Variants in DYNC1I1 observed in about 807,000 individuals in gnomAD.
DYNC1I1 encodes the protein cytoplasmic dynein 1 intermediate chain 1.
Under a neutral mutation model 86.6 loss-of-function variants are expected in DYNC1I1, and 43 were observed. The ratio of observed to expected loss-of-function variants is 0.50; its 90% CI spans 0.39 to 0.64. DYNC1I1 has a LOEUF of 0.64. Ranked by LOEUF, DYNC1I1 falls within the 30% of genes least tolerant of loss-of-function variation. DYNC1I1 has a pLI of 0.00. For missense variants in DYNC1I1, 604 were observed against 788.8 expected, an observed-to-expected ratio of 0.77 and a Z score of 2.81; for synonymous variants, 262 against 283.7, an observed-to-expected ratio of 0.92 and a Z score of 0.77.
Position 96,072,920 on chromosome 7 carries a change from G to A in DYNC1I1, c.1510-3137G>A, listed in dbSNP as rs529598328. 2.0e-5 allele frequency among the ~76,000 whole-genome samples: 3 copies of A among 152,046 alleles called. No homozygotes were observed. The East Asian group carries it at 5.8e-4, about 29-fold the overall frequency. On this transcript the variant is annotated intron_variant, in intron 14 of 16. Transcript: ENST00000447467. ...TAATCAGGTCTTCAGATTACCCTTTGAGCCTGAATAAAATAGAATAATAAA... is the reference window on the plus strand; with the variant it reads ...TAATCAGGTCTTCAGATTACCCTTTAAGCCTGAATAAAATAGAATAATAAA...
chr7:95,975,235 T>C (rs1049513157), intron 6 of DYNC1I1, among the ~76,000 whole-genome samples: 1 of 152,212 alleles, frequency 6.6e-6, no homozygotes, highest in African/African-American at 2.4e-5. Flanking sequence ...ACTGGCTTTA[T>C]TAGTTTTCAA....
intron 5 of DYNC1I1, among the ~76,000 whole-genome samples, chr7:95,857,316 G>T (rs1247463670): frequency 6.6e-6 from 1 of 152,160 alleles, no homozygotes; most frequent in Non-Finnish European, 1.5e-5. Flanking sequence ...CAAAGAGGTG[G>T]TATTTTGAGG....
chr7:96,064,166 C>G lies in DYNC1I1; in HGVS notation c.1510-11891C>G, dbSNP rs543465448. On this transcript the variant is annotated intron_variant, in intron 14 of 16. Transcript: ENST00000447467. ...TGTTTCTAAGCATCATTGTTCTTCT[C>G]CAGACCAAACATATCAGAATATTTC... Among the ~76,000 whole-genome samples the G allele has an allele frequency of 4.6e-5, 7 of 151,606 alleles. No individual in the cohort carries two copies. In the South Asian group the frequency reaches 1.5e-3, roughly 32 times the overall value.
chr7:95,937,947 T>G (rs996060535), intron 6 of DYNC1I1, among the ~76,000 whole-genome samples: 1 of 152,058 alleles, frequency 6.6e-6, no homozygotes, highest in Non-Finnish European at 1.5e-5. Context: ...ATATATAATA[T>G]ATATACACTC....
intron 6 of DYNC1I1, among the ~76,000 whole-genome samples, chr7:95,872,591 T>A (rs532235654): frequency 6.6e-6 from 1 of 152,296 alleles, no homozygotes; most frequent in Admixed American, 6.5e-5. Context: ...TAAGTATTAA[T>A]TTTTGATCAT....
intron 14 of DYNC1I1, among the ~76,000 whole-genome samples, chr7:96,063,786 T>C (rs1365210118): frequency 6.6e-6 from 1 of 152,212 alleles, no homozygotes; most frequent in African/African-American, 2.4e-5. Context: ...AGGGTGATAA[T>C]TCCACCCATA....
At chr7:96,026,744 A>G (rs1794692342) in intron 10 of DYNC1I1, among the ~76,000 whole-genome samples, 1 of 152,058 alleles carries the variant, frequency 6.6e-6, no homozygotes, top group Non-Finnish European at 1.5e-5. Flanking sequence ...CACTGTTTGA[A>G]TGTTCCATAT....
At chr7:95,924,155 G>T (rs950175567) in intron 6 of DYNC1I1, among the ~76,000 whole-genome samples, 1 of 152,126 alleles carries the variant, frequency 6.6e-6, no homozygotes, top group Non-Finnish European at 1.5e-5. Context: ...TTGCACTGCT[G>T]GGTTTATGAA....
intron 1 of DYNC1I1, chr7:95,804,326 G>C: frequency 7.9e-7 from 1 of 1,263,658 alleles, no homozygotes; most frequent in Non-Finnish European, 1.0e-6. Context: ...TTTTCTCAGT[G>C]TGGGGATGAA....
chr7:96,100,356 T>TTTCCTTCCTTCC (rs372153684), downstream of DYNC1I1, among the ~76,000 whole-genome samples: 5 of 150,834 alleles, frequency 3.3e-5, no homozygotes, highest in Admixed American at 6.6e-5. Context: ...CCTTCCTTCC[T>TTTCCTTCCTTCC]TTCCTTCCTT....
At chr7:95,972,096 AGAGGGTCGCCTT>A (rs1424585277) in intron 6 of DYNC1I1, among the ~76,000 whole-genome samples, 2 of 152,138 alleles carry the variant, frequency 1.3e-5, no homozygotes, top group African/African-American at 4.8e-5. Context: ...CTCTCTTCAC[AGAGGGTCGCCTT>A]GTGTCGTTGA....
At chr7:95,831,360 G>C (rs1464697556) in intron 5 of DYNC1I1, among the ~76,000 whole-genome samples, 1 of 152,030 alleles carries the variant, frequency 6.6e-6, no homozygotes, top group Non-Finnish European at 1.5e-5. Context: ...GAATAATATT[G>C]TGGAGGAGAT....
chr7:95,994,212 T>C (rs1008564296), intron 9 of DYNC1I1, among the ~76,000 whole-genome samples: 1 of 152,144 alleles, frequency 6.6e-6, no homozygotes, highest in Non-Finnish European at 1.5e-5. Flanking sequence ...TTTAAATAAT[T>C]AAAGAAATTT....
chr7:95,843,483 T>G (rs1281649509), intron 5 of DYNC1I1, among the ~76,000 whole-genome samples: 1 of 152,184 alleles, frequency 6.6e-6, no homozygotes, highest in African/African-American at 2.4e-5. Context: ...CCCTCCCTCA[T>G]GTATCACTGT....
intron 5 of DYNC1I1, among the ~76,000 whole-genome samples, chr7:95,847,049 A>G (rs143173765): frequency 6.6e-6 from 1 of 152,244 alleles, no homozygotes; most frequent in African/African-American, 2.4e-5. Context: ...CATTTTGTTA[A>G]CCCCAAAGAA....
intron 4 of DYNC1I1, among the ~76,000 whole-genome samples, chr7:95,814,009 G>T (rs1156422749): frequency 6.6e-6 from 1 of 152,164 alleles, no homozygotes; most frequent in Non-Finnish European, 1.5e-5. Context: ...GAAAGGAGAA[G>T]TTTCATAAAT....
chr7:95,939,579 G>C (rs1294345040), intron 6 of DYNC1I1, among the ~76,000 whole-genome samples: 3 of 150,706 alleles, frequency 2.0e-5, no homozygotes, highest in Non-Finnish European at 4.4e-5. Context: ...TTTGATCTTT[G>C]TTGGTTTAAA....
At chr7:96,084,040 TGAG>T (rs1790601329) in intron 16 of DYNC1I1, among the ~76,000 whole-genome samples, 1 of 152,130 alleles carries the variant, frequency 6.6e-6, no homozygotes, top group Admixed American at 6.5e-5. Flanking sequence ...AGTGTTGATT[TGAG>T]GAGATTTTTT....
At chr7:95,858,186 C>T (rs964644632) in intron 5 of DYNC1I1, among the ~76,000 whole-genome samples, 3 of 152,200 alleles carry the variant, frequency 2.0e-5, no homozygotes, top group Non-Finnish European at 2.9e-5. Context: ...ATAGTCATAA[C>T]TGATTTTCCA....
Sources: gnomAD v4.1 joint callset for allele counts (sites outside exome capture counted in the v4.1 genomes callset) on GRCh38, gnomAD v4.1.1 for gene constraint, MANE v1.5 for transcripts, NCBI Gene and HGNC (gene_info 2026-07-23, HGNC 2026-07-21) for gene names.